GBF1: variants seen among roughly 807,000 people sequenced by gnomAD.
GBF1 encodes golgi brefeldin A resistant guanine nucleotide exchange factor 1.
GBF1 carries 114 observed loss-of-function variants against 210.5 expected under a neutral mutation model. That is an observed-to-expected ratio of 0.54 (90% CI 0.47 to 0.63). The LOEUF (loss-of-function observed/expected upper bound fraction) is 0.63. GBF1 is among the 30% of genes least tolerant of loss of function. The pLI is 0.00. For synonymous variants in GBF1, 850 were observed against 889.2 expected, an observed-to-expected ratio of 0.96 and a Z score of 0.78; for missense variants, 1,851 against 2,357.7, an observed-to-expected ratio of 0.79 and a Z score of 4.45.
intron 3 of GBF1, among the ~76,000 whole-genome samples, chr10:102,270,371 T>C (rs554890832): frequency 6.6e-6 from 1 of 151,996 alleles, no homozygotes; most frequent in Admixed American, 6.6e-5. Flanking sequence ...GGTTTCACCA[T>C]GTTGGCCAGG....
intron 3 of GBF1, among the ~76,000 whole-genome samples, chr10:102,295,755 C>T (rs917358387): frequency 4.6e-5 from 7 of 151,710 alleles, no homozygotes; most frequent in African/African-American, 1.2e-4. Context: ...TTGTCTCCTT[C>T]GAAGAGGAAT....
At chr10:102,344,549 C>T (rs763006716) in intron 4 of GBF1, among the ~76,000 whole-genome samples, 31 of 151,478 alleles carry the variant, frequency 2.0e-4, no homozygotes, top group Non-Finnish European at 3.8e-4. Flanking sequence ...GGTGTGATCT[C>T]GGCTCACTGC....
intron 23 of GBF1, 133 bp from the exon 24 acceptor site, chr10:102,369,078 C>A: frequency 1.4e-6 from 1 of 719,696 alleles, no homozygotes; most frequent in Admixed American, 2.4e-5. Flanking sequence ...TTAACCCACT[C>A]CCACCAGTAT....
At chr10:102,340,267 C>CTTTTT (rs1158590447) in intron 3 of GBF1, among the ~76,000 whole-genome samples, 5 of 83,542 alleles carry the variant, frequency 6.0e-5, no homozygotes, top group African/African-American at 1.5e-4. Flanking sequence ...TGGTCCATGC[C>CTTTTT]TTTTTTTTTT....
intron 1 of GBF1, among the ~76,000 whole-genome samples, chr10:102,246,027 ATCT>A (rs1407345970): frequency 6.6e-6 from 1 of 152,066 alleles, no homozygotes; most frequent in Non-Finnish European, 1.5e-5. Flanking sequence ...AGGTGCCCAA[ATCT>A]TCTGTTTTCC....
At chr10:102,240,048 G>T in the GBF1 span, among the ~76,000 whole-genome samples, 2 of 152,218 alleles carry the variant, frequency 1.3e-5, no homozygotes, top group Non-Finnish European at 2.9e-5. Flanking sequence ...CAGGACCACA[G>T]GATTTGCTTT....
At chr10:102,338,941 A>G (rs768807551) in intron 3 of GBF1, among the ~76,000 whole-genome samples, 66 of 152,324 alleles carry the variant, frequency 4.3e-4, no homozygotes, top group South Asian at 1.7e-3. Context: ...TATAGACTCA[A>G]TGCAATTCCT....
At chr10:102,337,202 C>T (rs975874723) in intron 3 of GBF1, among the ~76,000 whole-genome samples, 1 of 151,668 alleles carries the variant, frequency 6.6e-6, no homozygotes, top group African/African-American at 2.4e-5. Context: ...CGCGGCGAAA[C>T]CCCATCTCTA....
intron 35 of GBF1, 66 bp downstream of exon 35, chr10:102,379,717 A>C: frequency 6.4e-7 from 1 of 1,572,410 alleles, no homozygotes; most frequent in East Asian, 2.2e-5. Flanking sequence ...AGGCAGCCTG[A>C]AGAGCCCCTA....
intron 3 of GBF1, among the ~76,000 whole-genome samples, chr10:102,324,468 A>C (rs754919780): frequency 6.6e-6 from 1 of 152,208 alleles, no homozygotes; most frequent in East Asian, 1.9e-4. Context: ...AGGATCTCCA[A>C]CTTACTTCTT....
At chr10:102,356,766 CAAAAAAA>C (rs761159635) in intron 8 of GBF1, among the ~76,000 whole-genome samples, 1 of 84,590 alleles carries the variant, frequency 1.2e-5, no homozygotes, top group African/African-American at 5.2e-5. Context: ...GACTCTGTCT[CAAAAAAA>C]AAAAAAAAAA....
At chr10:102,292,276 T>G (rs1201064228) in intron 3 of GBF1, among the ~76,000 whole-genome samples, 1 of 151,954 alleles carries the variant, frequency 6.6e-6, no homozygotes. Flanking sequence ...CTGGAATCTC[T>G]GGGACAAACA....
chr10:102,318,260 C>T (rs1277557364), intron 3 of GBF1, among the ~76,000 whole-genome samples: 1 of 151,792 alleles, frequency 6.6e-6, no homozygotes, highest in Non-Finnish European at 1.5e-5. Flanking sequence ...TGGTGTGGCT[C>T]ACTGCACCCT....
At chr10:102,327,504 C>T (rs2056996112) in intron 3 of GBF1, among the ~76,000 whole-genome samples, 1 of 152,174 alleles carries the variant, frequency 6.6e-6, no homozygotes, top group Admixed American at 6.5e-5. Flanking sequence ...AAATATCCTT[C>T]AATAAGAGAA....
At chr10:102,362,710 TC>T (rs762351176) in intron 15 of GBF1, 46 bp downstream of exon 15, 1 of 1,454,316 alleles carries the variant, frequency 6.9e-7, no homozygotes, top group Non-Finnish European at 9.6e-7. Flanking sequence ...TCTATGCTTA[TC>T]CCTTCTCTAC....
At position 102,361,282 on chromosome 10, in the gene GBF1, T is replaced by C. The variant is rs80296637; in HGVS notation, c.1491+162T>C. The C allele has an allele frequency of 3.6e-3, 2,131 of 598,824 alleles. 30 individuals are homozygous for C. In the African/African-American group the frequency reaches 0.036, roughly 10 times the overall value. The allele number at this position is 598,824 out of a possible 1,614,324, so 37.1% of individuals were successfully genotyped here. A position where few individuals can be genotyped will look rare whatever the true frequency, so the allele number is the denominator to read the frequency against. ...GTTCGGTTCAATCAACTGGCCTCTT[T>C]TGTGGAAAAGTTAAAAGGAGACCAA... is the stretch of plus-strand genomic sequence containing the variant. On this transcript the variant is annotated intron_variant, in intron 13 of 39. Coordinates refer to ENST00000369983, the MANE Select transcript of GBF1 (RefSeq NM_001377137.1).
chr10:102,253,847 G>T (rs926542088), intron 1 of GBF1, among the ~76,000 whole-genome samples: 6 of 152,162 alleles, frequency 3.9e-5, no homozygotes, highest in Admixed American at 3.3e-4. Flanking sequence ...GCTATTTCAG[G>T]AATGTAAAGT....
At chr10:102,262,049 T>C (rs2073305441) in intron 3 of GBF1, among the ~76,000 whole-genome samples, 1 of 152,218 alleles carries the variant, frequency 6.6e-6, no homozygotes, top group Non-Finnish European at 1.5e-5. Flanking sequence ...TATGCCTGGC[T>C]AATTTTTGTA....
intron 3 of GBF1, among the ~76,000 whole-genome samples, chr10:102,340,263 A>G (rs111243365): frequency 2.1e-3 from 269 of 126,370 alleles, no homozygotes; most frequent in African/African-American, 7.8e-3. Flanking sequence ...CTCCTGGTCC[A>G]TGCCTTTTTT....
Sources: allele counts gnomAD v4.1 joint callset (sites outside exome capture counted in the v4.1 genomes callset), GRCh38; gene constraint gnomAD v4.1.1; transcripts MANE v1.5; gene names NCBI Gene and HGNC (gene_info 2026-07-23, HGNC 2026-07-21).